The following FRMD4B variants were observed in gnomAD, a reference collection of about 807,000 sequenced individuals.
FRMD4B encodes the protein FERM domain containing 4B.
FRMD4B carries 74 observed loss-of-function variants against 141.5 expected under a neutral mutation model. The observed-to-expected ratio is 0.52, with a 90% CI of 0.43 to 0.63. The LOEUF (loss-of-function observed/expected upper bound fraction) is 0.63. Among genes scored for constraint, FRMD4B ranks in the 30% least tolerant of loss-of-function variants. The probability of loss-of-function intolerance (pLI) is 0.00; values close to 1 mark genes in which losing one functional copy is unlikely to be tolerated. For synonymous variants in FRMD4B, 506 were observed against 467.9 expected, an observed-to-expected ratio of 1.08 and a Z score of -1.05; for missense variants, 1,366 against 1,253.4, an observed-to-expected ratio of 1.09 and a Z score of -1.36.
At chr3:69,261,694 A>G (rs1388687934) in intron 5 of FRMD4B, among the ~76,000 whole-genome samples, 1 of 152,150 alleles carries the variant, frequency 6.6e-6, no homozygotes, top group Non-Finnish European at 1.5e-5. Context: ...TTTATTTGAG[A>G]TGGAGTCTCC....
chr3:69,444,499 A>G (rs192596939), intron 1 of FRMD4B, among the ~76,000 whole-genome samples: 149 of 152,198 alleles, frequency 9.8e-4, no homozygotes, highest in Admixed American at 4.2e-3. Context: ...TTTTCTTTCA[A>G]CCACATAGTT....
intron 1 of FRMD4B, among the ~76,000 whole-genome samples, chr3:69,478,969 T>G (rs1451655072): frequency 7.2e-6 from 1 of 139,820 alleles, no homozygotes; most frequent in Non-Finnish European, 1.5e-5. Context: ...ATGGCCTTCT[T>G]TGTCTCTTTT....
chr3:69,244,753 G>A (rs2093411399), intron 7 of FRMD4B, among the ~76,000 whole-genome samples: 1 of 151,978 alleles, frequency 6.6e-6, no homozygotes, highest in African/African-American at 2.4e-5. Flanking sequence ...AATTAGCCGG[G>A]CATGGTTGTA....
intron 1 of FRMD4B, among the ~76,000 whole-genome samples, chr3:69,317,754 C>CAA (rs765280161): frequency 0.071 from 3,626 of 51,390 alleles, 233 homozygotes; most frequent in African/African-American, 0.14. Flanking sequence ...GACACCAACT[C>CAA]AAAAAAAAAA....
intron 19 of FRMD4B, among the ~76,000 whole-genome samples, chr3:69,183,231 A>T (rs1396722619): frequency 2.0e-5 from 3 of 152,176 alleles, no homozygotes; most frequent in Non-Finnish European, 4.4e-5. Context: ...GTTCCAAGAA[A>T]ATGACCTATG....
chr3:69,430,161 A>G (rs1197692243), intron 2 of FRMD4B, among the ~76,000 whole-genome samples: 1 of 152,144 alleles, frequency 6.6e-6, no homozygotes, highest in African/African-American at 2.4e-5. Context: ...ACTGATATTG[A>G]GTAGGAATGC....
At chr3:69,466,681 A>T (rs943315007) in intron 1 of FRMD4B, among the ~76,000 whole-genome samples, 9 of 152,142 alleles carry the variant, frequency 5.9e-5, no homozygotes, top group Admixed American at 3.9e-4. Flanking sequence ...AAACCAACAA[A>T]CAGAAAAGCA....
chr3:69,536,156 T>A (rs995788053), intron 1 of FRMD4B: 3 of 518,992 alleles, frequency 5.8e-6, no homozygotes, highest in African/African-American at 3.9e-5. Flanking sequence ...CTTCTGCACC[T>A]CTGCTGGCCT....
intron 1 of FRMD4B, among the ~76,000 whole-genome samples, chr3:69,355,698 G>T (rs1358923988): frequency 6.6e-6 from 1 of 152,124 alleles, no homozygotes; most frequent in Non-Finnish European, 1.5e-5. Context: ...GTTATGGTGT[G>T]AGAACACATA....
chr3:69,215,788 T>C (rs2093134498), intron 11 of FRMD4B, among the ~76,000 whole-genome samples: 1 of 152,206 alleles, frequency 6.6e-6, no homozygotes, highest in Admixed American at 6.5e-5. Flanking sequence ...CCAATTCAAA[T>C]ATGTATATGC....
chr3:69,250,273 C>T (rs985958004), intron 5 of FRMD4B, 174 bp from the exon 6 acceptor site: 28 of 624,192 alleles, frequency 4.5e-5, no homozygotes, highest in Non-Finnish European at 5.8e-5. Context: ...AGGGTTAAGG[C>T]GAAACCACTG....
intron 5 of FRMD4B, among the ~76,000 whole-genome samples, chr3:69,276,641 T>A (rs1416358412): frequency 6.6e-6 from 1 of 152,158 alleles, no homozygotes; most frequent in Admixed American, 6.5e-5. Context: ...ACCTCCAGGT[T>A]CACGCTCAGA....
At chr3:69,314,554 C>T (rs889645589) in intron 1 of FRMD4B, among the ~76,000 whole-genome samples, 4 of 150,660 alleles carry the variant, frequency 2.7e-5, no homozygotes, top group African/African-American at 9.7e-5. Context: ...CTTTATTCAG[C>T]TGGGTACAGT....
intron 1 of FRMD4B, among the ~76,000 whole-genome samples, chr3:69,481,054 C>A (rs1233735461): frequency 6.6e-6 from 1 of 152,176 alleles, no homozygotes; most frequent in Non-Finnish European, 1.5e-5. Context: ...GTTTTTTAAG[C>A]CCGTCGGAAA....
intron 1 of FRMD4B, among the ~76,000 whole-genome samples, chr3:69,511,554 C>T (rs1706687274): frequency 2.0e-5 from 3 of 152,154 alleles, no homozygotes; most frequent in African/African-American, 7.2e-5. Context: ...GGGAGCATAC[C>T]TGACTGACAG....
Position 69,198,792 on chromosome 3 carries a change from GC to G in FRMD4B, c.877-19del. 7.9e-7 allele frequency: 1 copy of G among 1,268,282 alleles called. No individual in the cohort carries two copies. The highest frequency in any genetic ancestry group is 2.4e-5 in the East Asian group (1 of 40,854). 78.6% of individuals were successfully genotyped at this position (1,268,282 alleles called of 1,614,324 possible). A position where few individuals can be genotyped will look rare whatever the true frequency, so the allele number is the denominator to read the frequency against. ...TGGAATAACTAAAGAAAACAGAAAA[GC>G]CAGGAAGTATTATTTATGCTTATTT... is the stretch of plus-strand genomic sequence containing the variant. On this transcript the variant is annotated intron_variant, in intron 11 of 22. Coordinates refer to ENST00000398540, the MANE Select transcript of FRMD4B (RefSeq NM_015123.3).
intron 1 of FRMD4B, among the ~76,000 whole-genome samples, chr3:69,477,565 T>C (rs1044374518): frequency 1.4e-4 from 21 of 152,014 alleles, no homozygotes; most frequent in African/African-American, 4.6e-4. Context: ...CACTTGATCA[T>C]GGTGGATAAG....
At chr3:69,419,140 G>C (rs1704925927) in intron 2 of FRMD4B, among the ~76,000 whole-genome samples, 1 of 152,166 alleles carries the variant, frequency 6.6e-6, no homozygotes, top group Non-Finnish European at 1.5e-5. Flanking sequence ...AAATAGGTTT[G>C]GGGGAAACTT....
Position 69,294,010 on chromosome 3 carries a change from T to C in FRMD4B, c.417-6174A>G, listed in dbSNP as rs73101792. 3.7e-3 allele frequency among the ~76,000 whole-genome samples: 567 copies of C among 152,262 alleles called. 2 individuals carry two copies. Among genetic ancestry groups the C allele is most frequent in the Non-Finnish European group, 6.2e-3 (425 of 68,002 alleles). ...AAATAGTGTGAAACCAATGCTTTTC[T>C]AATCAGTTTCAACTTTTCTCCCTCA... On this transcript the variant is annotated intron_variant, in intron 4 of 22. Transcript: ENST00000398540.
Sources: allele counts gnomAD v4.1 joint callset (sites outside exome capture counted in the v4.1 genomes callset), GRCh38; gene constraint gnomAD v4.1.1; transcripts MANE v1.5; gene names NCBI Gene and HGNC (gene_info 2026-07-23, HGNC 2026-07-21).